Variants in PTH2R observed in about 807,000 individuals in gnomAD.
The protein encoded by PTH2R is PTH2 receptor.
PTH2R carries 59 observed loss-of-function variants against 60.3 expected under a neutral mutation model. That is an observed-to-expected ratio of 0.98 (90% CI 0.79 to 1.22). The LOEUF (loss-of-function observed/expected upper bound fraction) is 1.22. Among genes scored for constraint, PTH2R ranks in the 50% most tolerant of loss-of-function variants. PTH2R has a pLI of 0.00. For missense variants in PTH2R, 749 were observed against 682.6 expected (o/e 1.10, Z -1.08); for synonymous variants, 256 against 243.8 (o/e 1.05, Z -0.47).
At chr2:208,417,704 C>T (rs1462776640) in intron 1 of PTH2R, among the ~76,000 whole-genome samples, 2 of 151,914 alleles carry the variant, frequency 1.3e-5, no homozygotes, top group Non-Finnish European at 2.9e-5. Context: ...CACATGCCAC[C>T]ATGCCCGGCT....
At chr2:208,408,726 G>GAA (rs1701472608) in intron 1 of PTH2R, among the ~76,000 whole-genome samples, 1 of 47,116 alleles carries the variant, frequency 2.1e-5, no homozygotes, top group Non-Finnish European at 6.5e-5. Context: ...AAAGGAAAGA[G>GAA]AGAGAGAGAG....
At chr2:208,381,238 C>T (rs1189365405) in intron 1 of PTH2R, among the ~76,000 whole-genome samples, 5 of 151,800 alleles carry the variant, frequency 3.3e-5, no homozygotes, top group Admixed American at 6.6e-5. Context: ...TTCCTTTTTC[C>T]TCTAGATGTA....
Position 208,408,007 on chromosome 2 carries a change from C to T in PTH2R, c.75+889C>T, listed in dbSNP as rs1342809296. 2.6e-5 allele frequency among the ~76,000 whole-genome samples: 4 copies of T among 152,272 alleles called. No homozygotes were observed. In the East Asian group the frequency reaches 7.7e-4, roughly 29 times the overall value. On this transcript the variant is annotated intron_variant, in intron 1 of 12. Coordinates refer to ENST00000272847, the MANE Select transcript of PTH2R (RefSeq NM_005048.4). ...TCTAAACTTAATACTATGTTCTCGG[C>T]TTTCAGATGACTAGTTTAAATTTCA...
At chr2:208,433,371 A>G (rs1702011814) in intron 2 of PTH2R, among the ~76,000 whole-genome samples, 1 of 152,200 alleles carries the variant, frequency 6.6e-6, no homozygotes, top group Non-Finnish European at 1.5e-5. Context: ...TTTACTTTAA[A>G]ATTGTAAAAC....
At chr2:208,457,677 C>T (rs1056834573) in intron 8 of PTH2R, among the ~76,000 whole-genome samples, 2 of 152,122 alleles carry the variant, frequency 1.3e-5, no homozygotes, top group African/African-American at 4.8e-5. Context: ...AAGGTGTTAT[C>T]TGTAAGGAGA....
At chr2:208,423,270 AT>A (rs1053154464) in intron 1 of PTH2R, among the ~76,000 whole-genome samples, 8 of 151,774 alleles carry the variant, frequency 5.3e-5, no homozygotes, top group Non-Finnish European at 1.2e-4. Flanking sequence ...TGTCCCACAA[AT>A]TTTGATATGT....
chr2:208,396,254 A>G (rs1299011490), intron 1 of PTH2R, among the ~76,000 whole-genome samples: 2 of 152,246 alleles, frequency 1.3e-5, no homozygotes, highest in Non-Finnish European at 2.9e-5. Context: ...GGCACAGGCA[A>G]GGACTTCATG....
intron 9 of PTH2R, 85 bp downstream of exon 9, chr2:208,460,046 A>G (rs774986748): frequency 3.3e-5 from 37 of 1,120,086 alleles, no homozygotes; most frequent in Non-Finnish European, 5.0e-5. Flanking sequence ...CTGTCACTGC[A>G]TTCTACAACA....
chr2:208,408,740 A>AG (rs1553542827), intron 1 of PTH2R, among the ~76,000 whole-genome samples: 30 of 123,356 alleles, frequency 2.4e-4, no homozygotes, highest in East Asian at 1.5e-3. Context: ...GAGAGAGAGA[A>AG]AGAGAGAGAG....
chr2:208,437,581 A>G lies in PTH2R; in HGVS notation c.223A>G (p.Arg75Gly), dbSNP rs185136487. 8.7e-6 allele frequency: 14 copies of G among 1,613,674 alleles called. No homozygotes were observed. The African/African-American group carries it at 1.5e-4, about 17-fold the overall frequency. The part of the protein sequence containing the change: ...PEWDGLICWP[R>G]GTVGKISAVP... Reference sequence around the variant, plus strand: ...ATGGGATGGACTCATTTGTTGGCCCAGAGGAACAGTGGGGAAAATATCGGC... The same window carrying G: ...ATGGGATGGACTCATTTGTTGGCCCGGAGGAACAGTGGGGAAAATATCGGC... The change falls in exon 3 of 13, where the codon AGA (arginine) becomes GGA (glycine). Residue 75 changes from arginine (R) to glycine (G), a missense_variant. Arg to Gly is a moderately radical substitution (Grantham distance 125). Coordinates refer to ENST00000272847, the MANE Select transcript of PTH2R (RefSeq NM_005048.4).
At chr2:208,448,538 G>T (rs970768911) in intron 7 of PTH2R, among the ~76,000 whole-genome samples, 1 of 151,038 alleles carries the variant, frequency 6.6e-6, no homozygotes, top group African/African-American at 2.4e-5. Flanking sequence ...GGAGGCTGAG[G>T]CAAGAGTATG....
rs369068740 is a variant in PTH2R at position 208,451,236 on chromosome 2, C to A, written c.914+427C>A. 2.6e-5 allele frequency among the ~76,000 whole-genome samples: 4 copies of A among 152,128 alleles called. No individual in the cohort carries two copies. The South Asian group carries it at 6.2e-4, about 24-fold the overall frequency. On this transcript the variant is annotated intron_variant, in intron 8 of 12. Transcript: ENST00000272847. ...AGGATGGTGTGGTTATGAGGACCTG[C>A]GATAAGGTAGCACGAAGGGGAACTA...
upstream of PTH2R, among the ~76,000 whole-genome samples, chr2:208,401,933 C>T (rs1463768028): frequency 6.6e-6 from 1 of 152,142 alleles, no homozygotes; most frequent in Non-Finnish European, 1.5e-5. Flanking sequence ...GGTTCCTCTC[C>T]ACTGCACCTG....
intron 10 of PTH2R, among the ~76,000 whole-genome samples, chr2:208,487,100 A>G (rs1004080629): frequency 6.6e-6 from 1 of 152,202 alleles, no homozygotes; most frequent in Non-Finnish European, 1.5e-5. Flanking sequence ...ATTTTATGGG[A>G]CATTCTAGCT....
chr2:208,419,017 A>G (rs1477043297), intron 1 of PTH2R, among the ~76,000 whole-genome samples: 2 of 152,176 alleles, frequency 1.3e-5, no homozygotes, highest in South Asian at 2.1e-4. Flanking sequence ...AGTGAAGTCA[A>G]TCCTTTGGGT....
intron 1 of PTH2R, among the ~76,000 whole-genome samples, chr2:208,388,568 A>G (rs1359164539): frequency 6.6e-6 from 1 of 152,162 alleles, no homozygotes; most frequent in African/African-American, 2.4e-5. Context: ...GTTGGTAAAG[A>G]GATATTGTAA....
At chr2:208,391,197 C>A (rs1382967038) in intron 1 of PTH2R, among the ~76,000 whole-genome samples, 1 of 152,120 alleles carries the variant, frequency 6.6e-6, no homozygotes, top group African/African-American at 2.4e-5. Context: ...GGAAGTGAGC[C>A]AGAGAAGTTA....
chr2:208,387,624 A>C (rs1701026090), intron 1 of PTH2R, among the ~76,000 whole-genome samples: 1 of 152,226 alleles, frequency 6.6e-6, no homozygotes, highest in South Asian at 2.1e-4. Flanking sequence ...GTTTTTTCCA[A>C]TTAGATGATC....
intron 9 of PTH2R, among the ~76,000 whole-genome samples, chr2:208,470,650 T>C (rs1210945503): frequency 6.6e-6 from 1 of 151,454 alleles, no homozygotes; most frequent in Non-Finnish European, 1.5e-5. Context: ...TTAAACCTTT[T>C]TTTTCTTCCT....
Sources: allele counts gnomAD v4.1 joint callset (sites outside exome capture counted in the v4.1 genomes callset), GRCh38; gene constraint gnomAD v4.1.1; transcripts MANE v1.5; gene names NCBI Gene and HGNC (gene_info 2026-07-23, HGNC 2026-07-21).